The following KPNB1 variants were observed in gnomAD, a reference collection of about 807,000 sequenced individuals.
KPNB1 encodes the protein karyopherin subunit beta 1, also known as importin subunit beta-1.
In KPNB1, 7 loss-of-function variants were observed where a neutral mutation model predicts 113.0. The observed-to-expected ratio is 0.06, with a 90% CI of 0.04 to 0.12. KPNB1 has a LOEUF of 0.12. Among genes scored for constraint, KPNB1 ranks in the 10% least tolerant of loss-of-function variants. The probability of loss-of-function intolerance (pLI) is 1.00; values close to 1 mark genes in which losing one functional copy is unlikely to be tolerated. For synonymous variants in KPNB1, 363 were observed against 378.6 expected, an observed-to-expected ratio of 0.96 and a Z score of 0.48; for missense variants, 400 against 1,054.8, an observed-to-expected ratio of 0.38 and a Z score of 8.60.
intron 15 of KPNB1, among the ~76,000 whole-genome samples, chr17:47,675,394 T>TTTTTTTTTTTTTTTA (rs2030586210): frequency 7.3e-6 from 1 of 137,686 alleles, no homozygotes; most frequent in Non-Finnish European, 1.6e-5. Context: ...TGTTTGTTTT[T>TTTTTTTTTTTTTTTA]TTTTTGAGAC....
At chr17:47,656,756 A>G in intron 3 of KPNB1, 104 bp from the exon 4 acceptor site, 2 of 1,155,824 alleles carry the variant, frequency 1.7e-6, no homozygotes, top group Non-Finnish European at 2.5e-6. Flanking sequence ...TTAAGAAAGA[A>G]AGAAAAAAAA....
At position 47,682,603 on chromosome 17, in the gene KPNB1, CTAAG is replaced by C; in HGVS notation, c.*204_*207del. 1.7e-6 allele frequency: 1 copy of C among 597,294 alleles called. No individual in the cohort carries two copies. The highest frequency in any genetic ancestry group is 3.0e-6 in the Non-Finnish European group (1 of 333,176). The allele number at this position is 597,294 out of a possible 1,614,324, so 37.0% of individuals were successfully genotyped here. A position where few individuals can be genotyped will look rare whatever the true frequency, so the allele number is the denominator to read the frequency against. Reference sequence around the variant, plus strand: ...CGCCAACAGCAGCGCTGTTAGTGAGCTAAGTAAGCACTGACTTCGTAGAAAACCA... The same window carrying C: ...CGCCAACAGCAGCGCTGTTAGTGAGCTAAGCACTGACTTCGTAGAAAACCA... On this transcript the variant is annotated 3_prime_UTR_variant, in exon 22 of 22. Transcript: ENST00000290158.
intron 5 of KPNB1, 88 bp downstream of exon 5, chr17:47,658,748 A>G: frequency 1.6e-6 from 2 of 1,224,158 alleles, no homozygotes; most frequent in Non-Finnish European, 2.3e-6. Flanking sequence ...TCTTAAGTTT[A>G]TGGTTTAGAA....
intron 4 of KPNB1, among the ~76,000 whole-genome samples, chr17:47,657,682 A>G (rs2029948102): frequency 6.6e-6 from 1 of 152,252 alleles, no homozygotes; most frequent in Admixed American, 6.5e-5. Flanking sequence ...AAATACGAAC[A>G]GACTGCCATC....
intron 2 of KPNB1, among the ~76,000 whole-genome samples, chr17:47,650,950 C>G (rs1915546310): frequency 6.6e-6 from 1 of 152,194 alleles, no homozygotes; most frequent in Non-Finnish European, 1.5e-5. Flanking sequence ...TACTCATGGC[C>G]AGGCCTGGCA....
chr17:47,666,529 A>G (rs1280813200), intron 9 of KPNB1, among the ~76,000 whole-genome samples: 2 of 107,208 alleles, frequency 1.9e-5, no homozygotes, highest in Non-Finnish European at 4.1e-5. Flanking sequence ...TATATGTATT[A>G]TGTTATATAT....
intron 21 of KPNB1, among the ~76,000 whole-genome samples, chr17:47,681,793 G>C (rs1167735560): frequency 6.9e-6 from 1 of 145,732 alleles, no homozygotes; most frequent in African/African-American, 2.6e-5. Context: ...CGGTCTCCCA[G>C]GTGTGCACCA....
chr17:47,649,934 G>A lies in KPNB1; in HGVS notation c.-311G>A. The stretch of plus-strand genomic sequence containing the variant: ...CTCCCTCGCTCCCTCCCTGCGCGCC[G>A]CCTCTCACTCACAGCCTCCCTTCCT... On this transcript the variant is annotated 5_prime_UTR_variant, in exon 1 of 22. Coordinates refer to ENST00000290158, the MANE Select transcript of KPNB1 (RefSeq NM_002265.6). 5 of 1,274,320 alleles carry A rather than the reference G, an allele frequency of 3.9e-6. No homozygotes were observed. Among genetic ancestry groups the A allele is most frequent in the African/African-American group, 3.1e-5 (2 of 64,398 alleles). The allele number at this position is 1,274,320 out of a possible 1,614,324, so 78.9% of individuals were successfully genotyped here. A position where few individuals can be genotyped will look rare whatever the true frequency, so the allele number is the denominator to read the frequency against.
chr17:47,661,065 TC>T, intron 5 of KPNB1, 53 bp from the exon 6 acceptor site: 3 of 1,415,722 alleles, frequency 2.1e-6, no homozygotes, highest in South Asian at 2.3e-5. Flanking sequence ...CTGGAAATCT[TC>T]CTACGTACAG....
intron 4 of KPNB1, 118 bp from the exon 5 acceptor site, chr17:47,658,390 C>G (rs989847389): frequency 5.5e-6 from 6 of 1,087,864 alleles, no homozygotes; most frequent in Admixed American, 2.6e-5. Context: ...ACAGATGCAA[C>G]CATCCATTTT....
At position 47,678,196 on chromosome 17, in the gene KPNB1, T is replaced by C. The variant is rs1426753053; in HGVS notation, c.2247+7T>C. 6.2e-7 allele frequency: 1 copy of C among 1,614,132 alleles called. No individual in the cohort carries two copies. Among genetic ancestry groups the C allele is most frequent in the Non-Finnish European group, 8.5e-7 (1 of 1,179,944 alleles). Reference sequence around the variant, plus strand: ...CCAAGCCCAGGTGGACAAGGTAAGCTTAAAGCTATCTTGGCTGTTCTTTAA... The same window carrying C: ...CCAAGCCCAGGTGGACAAGGTAAGCCTAAAGCTATCTTGGCTGTTCTTTAA... On this transcript the variant is annotated splice_region_variant and intron_variant, in intron 18 of 21. Coordinates refer to ENST00000290158, the MANE Select transcript of KPNB1 (RefSeq NM_002265.6).
chr17:47,677,297 C>T (rs572029561), intron 17 of KPNB1, among the ~76,000 whole-genome samples, 170 bp downstream of exon 17: 3 of 151,734 alleles, frequency 2.0e-5, no homozygotes, highest in South Asian at 4.2e-4. Flanking sequence ...GGTGAAACCC[C>T]GTCTGTACTG....
At chr17:47,677,938 C>A in intron 17 of KPNB1, 108 bp from the exon 18 acceptor site, 1 of 1,120,988 alleles carries the variant, frequency 8.9e-7, no homozygotes, top group Non-Finnish European at 1.3e-6. Flanking sequence ...TATAAAGGAC[C>A]ATCCAAATAT....
rs2030505953 is a variant in KPNB1 at position 47,673,363 on chromosome 17, A to G, written c.1696-127A>G. On this transcript the variant is annotated intron_variant, in intron 13 of 21. Coordinates refer to ENST00000290158, the MANE Select transcript of KPNB1 (RefSeq NM_002265.6). ...GGTTTACTCATATATGTGTTACACT[A>G]TATGTATTATGGGTTTTTTGTTGCT... is the stretch of plus-strand genomic sequence containing the variant. 4 of 898,724 alleles carry G rather than the reference A, an allele frequency of 4.5e-6. No homozygotes were observed. The South Asian group carries it at 4.6e-5, about 10-fold the overall frequency. 55.7% of individuals were successfully genotyped at this position (898,724 alleles called of 1,614,324 possible).
In KPNB1 at chr17:47,683,107, A is replaced by AC. The variant is rs2030836955; in HGVS notation, c.*703_*704insC. 6.8e-6 allele frequency: 1 copy of AC among 147,498 alleles called. No homozygotes were observed. The highest frequency in any genetic ancestry group is 2.0e-4 in the East Asian group (1 of 5,122). 9.1% of individuals were successfully genotyped at this position (147,498 alleles called of 1,614,324 possible). On this transcript the variant is annotated 3_prime_UTR_variant, in exon 22 of 22. Transcript: ENST00000290158. ...AAGAGATGTAAAAAAAAAAAAAAAA[A>AC]AAAAAAAAAAAACACACACACAGAG... is the stretch of plus-strand genomic sequence containing the variant.
intron 3 of KPNB1, among the ~76,000 whole-genome samples, chr17:47,656,571 T>G (rs1348636619): frequency 1.3e-5 from 2 of 151,082 alleles, no homozygotes; most frequent in African/African-American, 4.9e-5. Flanking sequence ...CTGGGCAATA[T>G]GGTGATGCCC....
At position 47,650,067 on chromosome 17, in the gene KPNB1, G is replaced by A. The variant is rs1051839355; in HGVS notation, c.-178G>A. ...AGGGAGGAAGTAAGGGAAGAGGAGA[G>A]GAAGGGGAGCCGGACCGACTACCCA... On this transcript the variant is annotated 5_prime_UTR_variant, in exon 1 of 22. Coordinates refer to ENST00000290158, the MANE Select transcript of KPNB1 (RefSeq NM_002265.6). 2 of 1,393,882 alleles carry A rather than the reference G, an allele frequency of 1.4e-6. No individual in the cohort carries two copies. Among genetic ancestry groups the A allele is most frequent in the South Asian group, 1.7e-5 (1 of 60,414 alleles). The allele number at this position is 1,393,882 out of a possible 1,614,324, so 86.3% of individuals were successfully genotyped here.
intron 14 of KPNB1, among the ~76,000 whole-genome samples, chr17:47,674,203 C>T (rs1057308427): frequency 6.6e-5 from 10 of 152,114 alleles, no homozygotes; most frequent in African/African-American, 9.7e-5. Context: ...TTGATTTTAT[C>T]AAGTTTATTT....
At chr17:47,674,498 G>GT (rs2030538978) in intron 14 of KPNB1, 140 bp from the exon 15 acceptor site, 1 of 765,556 alleles carries the variant, frequency 1.3e-6, no homozygotes, top group East Asian at 2.6e-5. Flanking sequence ...TACTGTCAAT[G>GT]TTTTTGTGTA....
Sources: allele counts gnomAD v4.1 joint callset (sites outside exome capture counted in the v4.1 genomes callset), GRCh38; gene constraint gnomAD v4.1.1; transcripts MANE v1.5; gene names NCBI Gene and HGNC (gene_info 2026-07-23, HGNC 2026-07-21).